SLC71A1: variants seen among roughly 807,000 people sequenced by gnomAD.
SLC71A1 encodes the protein hippocampus abundant gene transcript 1.
the SLC71A1 span, chr1:100,082,852 G>C: frequency 6.6e-6 from 1 of 152,406 alleles, no homozygotes; most frequent in Non-Finnish European, 1.5e-5. Context: ...ATTTAAGTTG[G>C]GGTATTTAGA....
At chr1:100,058,234 A>G in the SLC71A1 span, among the ~76,000 whole-genome samples, 1 of 152,198 alleles carries the variant, frequency 6.6e-6, no homozygotes, top group Non-Finnish European at 1.5e-5. Context: ...AATTTTCCCA[A>G]TCTCCTATCC....
the SLC71A1 span, chr1:100,080,397 C>A: frequency 1.1e-6 from 1 of 947,370 alleles, no homozygotes; most frequent in South Asian, 1.7e-5. Context: ...TGATAAGAAG[C>A]TTGATTTTAG....
chr1:100,056,364 T>C, the SLC71A1 span, among the ~76,000 whole-genome samples: 101 of 152,370 alleles, frequency 6.6e-4, 4 homozygotes, highest in East Asian at 0.018. Context: ...TTTTTCTGTG[T>C]GTATAAATAC....
At chr1:100,046,009 AT>A in the SLC71A1 span, among the ~76,000 whole-genome samples, 1 of 152,056 alleles carries the variant, frequency 6.6e-6, no homozygotes, top group Non-Finnish European at 1.5e-5. Flanking sequence ...TCCTAGCACC[AT>A]TTAGGAGACT....
chr1:100,045,821 T>TAAAC, the SLC71A1 span, among the ~76,000 whole-genome samples: 1 of 152,082 alleles, frequency 6.6e-6, no homozygotes, highest in Non-Finnish European at 1.5e-5. Flanking sequence ...TCAAAATAAA[T>TAAAC]AAATAAATAA....
At chr1:100,045,007 T>G in the SLC71A1 span, among the ~76,000 whole-genome samples, 1 of 152,170 alleles carries the variant, frequency 6.6e-6, no homozygotes, top group Non-Finnish European at 1.5e-5. Flanking sequence ...TCCATATGAA[T>G]TTTAGGATTG....
the SLC71A1 span, among the ~76,000 whole-genome samples, chr1:100,055,989 GCTCTGCCCGC>G: frequency 6.6e-6 from 1 of 152,146 alleles, no homozygotes; most frequent in African/African-American, 2.4e-5. Flanking sequence ...TTGACCTTGT[GCTCTGCCCGC>G]CTCAGCCTCC....
At chr1:100,068,769 G>A in the SLC71A1 span, among the ~76,000 whole-genome samples, 4 of 152,278 alleles carry the variant, frequency 2.6e-5, no homozygotes, top group Admixed American at 2.0e-4. Flanking sequence ...GATCAGCTGA[G>A]GTCAGGAGAT....
At chr1:100,078,525 G>C in the SLC71A1 span, 2 of 1,613,202 alleles carry the variant, frequency 1.2e-6, no homozygotes, top group South Asian at 1.1e-5. Context: ...CTTGTTTCAC[G>C]AACTGCTGAT....
At chr1:100,053,899 G>C in the SLC71A1 span, among the ~76,000 whole-genome samples, 1 of 152,106 alleles carries the variant, frequency 6.6e-6, no homozygotes, top group Admixed American at 6.6e-5. Flanking sequence ...ATGAATATAT[G>C]GTTGGTCATA....
At chr1:100,058,851 CTT>C in the SLC71A1 span, 9 of 509,530 alleles carry the variant, frequency 1.8e-5, no homozygotes, top group Middle Eastern at 4.7e-4. Context: ...TGATTAATAA[CTT>C]AATTTTTATA....
At chr1:100,048,368 C>T in the SLC71A1 span, among the ~76,000 whole-genome samples, 1 of 152,100 alleles carries the variant, frequency 6.6e-6, no homozygotes, top group African/African-American at 2.4e-5. Context: ...TTAGTAGAGA[C>T]AGGGTTTTGC....
chr1:100,067,318 A>T, the SLC71A1 span, among the ~76,000 whole-genome samples: 5,030 of 152,180 alleles, frequency 0.033, 303 homozygotes, highest in African/African-American at 0.11. Context: ...GTCATGGCTC[A>T]CTGCAACCTC....
chr1:100,082,127 A>G, the SLC71A1 span: 1 of 1,614,182 alleles, frequency 6.2e-7, no homozygotes, highest in Admixed American at 1.7e-5. Flanking sequence ...TGGAGAAAGC[A>G]CTGTGGCAGT....
the SLC71A1 span, among the ~76,000 whole-genome samples, chr1:100,073,703 T>A: frequency 6.6e-6 from 1 of 152,216 alleles, no homozygotes; most frequent in Non-Finnish European, 1.5e-5. Context: ...TACTCACCCA[T>A]GCGTCTTCAG....
the SLC71A1 span, among the ~76,000 whole-genome samples, chr1:100,058,965 A>G: frequency 6.6e-6 from 1 of 152,048 alleles, no homozygotes; most frequent in Non-Finnish European, 1.5e-5. Flanking sequence ...ATAATAAACC[A>G]CATCATAACA....
the SLC71A1 span, chr1:100,078,570 A>G: frequency 2.3e-5 from 34 of 1,499,326 alleles, no homozygotes; most frequent in East Asian, 3.4e-4. Context: ...GGAACTAGCG[A>G]TAATTATTTA....
the SLC71A1 span, among the ~76,000 whole-genome samples, chr1:100,051,085 CA>C: frequency 5.1e-3 from 442 of 86,400 alleles, 3 homozygotes; most frequent in African/African-American, 0.016. Flanking sequence ...AACCTTGTCT[CA>C]AAAAAAAAAA....
At chr1:100,058,813 ATAAC>A in the SLC71A1 span, 4 of 677,780 alleles carry the variant, frequency 5.9e-6, no homozygotes, top group South Asian at 2.0e-5. Flanking sequence ...ATACATATAT[ATAAC>A]TATGCGAATA....
Sources: gnomAD v4.1 joint callset for allele counts (sites outside exome capture counted in the v4.1 genomes callset) on GRCh38, gnomAD v4.1.1 for gene constraint, MANE v1.5 for transcripts, NCBI Gene and HGNC (gene_info 2026-07-23, HGNC 2026-07-21) for gene names.